The following MAGI2 variants were observed in gnomAD, a reference collection of about 807,000 sequenced individuals.
MAGI2 encodes membrane-associated guanylate kinase, WW and PDZ domain-containing protein 2.
MAGI2 carries 35 observed loss-of-function variants against 133.3 expected under a neutral mutation model. The ratio of observed to expected loss-of-function variants is 0.26; its 90% CI spans 0.20 to 0.35. The LOEUF (loss-of-function observed/expected upper bound fraction) is 0.35, where lower values mean the gene tolerates loss of function less well. Among genes scored for constraint, MAGI2 ranks in the 10% least tolerant of loss-of-function variants. The probability of loss-of-function intolerance (pLI) is 1.00; values close to 1 mark genes in which losing one functional copy is unlikely to be tolerated. For synonymous variants in MAGI2, 729 were observed against 710.6 expected, an observed-to-expected ratio of 1.03 and a Z score of -0.41; for missense variants, 1,636 against 1,863.4, an observed-to-expected ratio of 0.88 and a Z score of 2.25.
intron 6 of MAGI2, among the ~76,000 whole-genome samples, chr7:78,417,316 A>AT (rs1798389394): frequency 1.3e-5 from 2 of 151,610 alleles, no homozygotes; most frequent in Admixed American, 1.3e-4. Context: ...AAAAAAAAAA[A>AT]ATATTCATTG....
At chr7:79,027,474 T>C (rs905454006) in intron 1 of MAGI2, among the ~76,000 whole-genome samples, 1 of 152,050 alleles carries the variant, frequency 6.6e-6, no homozygotes, top group Non-Finnish European at 1.5e-5. Context: ...GTGCCACATG[T>C]TTTCGCTTGT....
At chr7:78,423,771 G>A (rs1052340628) in intron 6 of MAGI2, among the ~76,000 whole-genome samples, 1 of 152,124 alleles carries the variant, frequency 6.6e-6, no homozygotes, top group Non-Finnish European at 1.5e-5. Flanking sequence ...TTTTGGCCCT[G>A]CCCTAGAGAT....
At chr7:79,021,473 T>C (rs540149763) in intron 1 of MAGI2, among the ~76,000 whole-genome samples, 1 of 152,344 alleles carries the variant, frequency 6.6e-6, no homozygotes, top group South Asian at 2.1e-4. Context: ...CAGTGTGACC[T>C]GAATGTGAGA....
intron 21 of MAGI2, among the ~76,000 whole-genome samples, chr7:78,053,816 T>C (rs994926344): frequency 6.6e-6 from 1 of 152,202 alleles, no homozygotes; most frequent in African/African-American, 2.4e-5. Context: ...GAAAAATTGT[T>C]TACTCTTTGC....
chr7:79,384,950 T>C (rs912242445), intron 1 of MAGI2, among the ~76,000 whole-genome samples: 2 of 151,752 alleles, frequency 1.3e-5, no homozygotes, highest in East Asian at 3.9e-4. Flanking sequence ...TTAGACTCTG[T>C]CACTATGTAC....
chr7:79,431,674 G>T (rs1305069970), intron 1 of MAGI2, among the ~76,000 whole-genome samples: 1 of 152,196 alleles, frequency 6.6e-6, no homozygotes, highest in East Asian at 1.9e-4. Flanking sequence ...AAGATGGGAA[G>T]AAGGAGAAGA....
chr7:79,096,398 A>T (rs1817519501), intron 1 of MAGI2, among the ~76,000 whole-genome samples: 1 of 152,154 alleles, frequency 6.6e-6, no homozygotes, highest in Non-Finnish European at 1.5e-5. Context: ...TGCCTTGTGT[A>T]CAGCTTCCTT....
chr7:79,192,019 A>G (rs1827717841), intron 1 of MAGI2, among the ~76,000 whole-genome samples: 1 of 151,742 alleles, frequency 6.6e-6, no homozygotes, highest in Non-Finnish European at 1.5e-5. Flanking sequence ...GAATTTATTG[A>G]TATCTTTTTG....
chr7:78,368,504 G>C (rs917514952), intron 7 of MAGI2, among the ~76,000 whole-genome samples: 1 of 152,058 alleles, frequency 6.6e-6, no homozygotes, highest in Non-Finnish European at 1.5e-5. Context: ...GAGAGTTCTA[G>C]AAAAATAAAT....
intron 2 of MAGI2, among the ~76,000 whole-genome samples, chr7:78,881,790 G>A (rs1195484502): frequency 6.6e-6 from 1 of 151,892 alleles, no homozygotes; most frequent in Non-Finnish European, 1.5e-5. Context: ...CGTGTGAGAT[G>A]CAGCAAGAGG....
At position 78,054,589 on chromosome 7, in the gene MAGI2, C is replaced by CTTTT. The variant is rs3972364; in HGVS notation, c.3706+24354_3706+24357dup. On this transcript the variant is annotated intron_variant, in intron 21 of 21. Transcript: ENST00000354212. ...TTAAGCCCCTTCATTCATAGGCATA[C>CTTTT]TTTTTTTTTTTTTTCCTGAAAGACC... Among the ~76,000 whole-genome samples, 701 of 141,822 alleles carry CTTTT rather than the reference C, an allele frequency of 4.9e-3. 4 individuals are homozygous for CTTTT. The highest frequency in any genetic ancestry group is 0.013 in the African/African-American group (471 of 37,522). 93.0% of individuals were successfully genotyped at this position (141,822 alleles called of 152,430 possible). A position where few individuals can be genotyped will look rare whatever the true frequency, so the allele number is the denominator to read the frequency against.
chr7:78,780,158 T>C (rs534469066), intron 2 of MAGI2, among the ~76,000 whole-genome samples: 4 of 152,372 alleles, frequency 2.6e-5, no homozygotes, highest in African/African-American at 7.2e-5. Context: ...ACTGGCTCTA[T>C]GAAAAACAAG....
intron 3 of MAGI2, among the ~76,000 whole-genome samples, chr7:78,589,453 A>T (rs1368822874): frequency 6.6e-6 from 1 of 152,234 alleles, no homozygotes; most frequent in African/African-American, 2.4e-5. Context: ...CATAACTGCT[A>T]TGCCATATTT....
At chr7:78,913,993 A>G (rs1291890168) in intron 2 of MAGI2, among the ~76,000 whole-genome samples, 1 of 152,178 alleles carries the variant, frequency 6.6e-6, no homozygotes, top group Non-Finnish European at 1.5e-5. Context: ...ATGCCTGGGA[A>G]AGCTTGGGAA....
At chr7:78,509,938 A>G (rs969459697) in intron 4 of MAGI2, among the ~76,000 whole-genome samples, 2 of 152,192 alleles carry the variant, frequency 1.3e-5, no homozygotes, top group African/African-American at 4.8e-5. Context: ...TAAAGTTTGA[A>G]TTTCCAAAAT....
At chr7:78,324,907 A>C (rs995882173) in intron 9 of MAGI2, among the ~76,000 whole-genome samples, 1 of 152,190 alleles carries the variant, frequency 6.6e-6, no homozygotes, top group African/African-American at 2.4e-5. Flanking sequence ...CAGAGGTTGC[A>C]GTGAGCCAAG....
intron 9 of MAGI2, among the ~76,000 whole-genome samples, chr7:78,335,100 C>T (rs1180125144): frequency 6.6e-6 from 1 of 152,210 alleles, no homozygotes; most frequent in Non-Finnish European, 1.5e-5. Flanking sequence ...CAGAGACCAT[C>T]TGGTCTGCAA....
At chr7:78,118,914 A>G (rs1183506676) in intron 20 of MAGI2, among the ~76,000 whole-genome samples, 5 of 152,260 alleles carry the variant, frequency 3.3e-5, no homozygotes, top group African/African-American at 1.2e-4. Flanking sequence ...TATTGATAGC[A>G]GCTCTATTCA....
At chr7:78,461,058 C>T (rs1294048337) in intron 6 of MAGI2, among the ~76,000 whole-genome samples, 1 of 152,076 alleles carries the variant, frequency 6.6e-6, no homozygotes, top group Non-Finnish European at 1.5e-5. Flanking sequence ...ATCTACCTAT[C>T]CTCTTTTCAT....
Sources: gnomAD v4.1 joint callset for allele counts (sites outside exome capture counted in the v4.1 genomes callset) on GRCh38, gnomAD v4.1.1 for gene constraint, MANE v1.5 for transcripts, NCBI Gene and HGNC (gene_info 2026-07-23, HGNC 2026-07-21) for gene names.